THSD7B: variants seen among roughly 807,000 people sequenced by gnomAD.
THSD7B encodes the protein thrombospondin type-1 domain-containing protein 7B.
In THSD7B, 138 loss-of-function variants were observed where a neutral mutation model predicts 213.6. The ratio of observed to expected loss-of-function variants is 0.65; its 90% CI spans 0.56 to 0.74. The LOEUF is 0.74. Among genes scored for constraint, THSD7B ranks in the 30% least tolerant of loss-of-function variants. THSD7B has a pLI of 0.00. For synonymous variants in THSD7B, 742 were observed against 687.0 expected, an observed-to-expected ratio of 1.08 and a Z score of -1.25; for missense variants, 1,931 against 1,991.5, an observed-to-expected ratio of 0.97 and a Z score of 0.58.
chr2:137,627,676 C>CA (rs1177412380), intron 20 of THSD7B, among the ~76,000 whole-genome samples: 1 of 152,080 alleles, frequency 6.6e-6, no homozygotes, highest in Non-Finnish European at 1.5e-5. Flanking sequence ...AGGGCAGAGC[C>CA]AAAAACTGTA....
chr2:137,636,771 T>C (rs377584710), intron 20 of THSD7B, among the ~76,000 whole-genome samples: 16 of 152,364 alleles, frequency 1.1e-4, no homozygotes, highest in African/African-American at 3.6e-4. Context: ...TAGTTGTTAA[T>C]TGGAGAGAAC....
At chr2:137,031,727 A>T (rs1338994348) in intron 2 of THSD7B, among the ~76,000 whole-genome samples, 1 of 152,234 alleles carries the variant, frequency 6.6e-6, no homozygotes, top group African/African-American at 2.4e-5. Flanking sequence ...TTCAAAAAGA[A>T]GCATAACAAA....
intron 4 of THSD7B, among the ~76,000 whole-genome samples, chr2:137,101,110 A>G (rs1688141875): frequency 6.6e-6 from 1 of 152,054 alleles, no homozygotes; most frequent in Non-Finnish European, 1.5e-5. Context: ...ATCTCAGCTC[A>G]CCACAACCTC....
At chr2:137,560,361 A>G (rs1573709162) in intron 15 of THSD7B, among the ~76,000 whole-genome samples, 1 of 152,182 alleles carries the variant, frequency 6.6e-6, no homozygotes, top group Admixed American at 6.5e-5. Flanking sequence ...GCACATATAC[A>G]CCATGGAATA....
chr2:137,166,575 A>T (rs780967255), intron 6 of THSD7B, among the ~76,000 whole-genome samples: 1 of 152,178 alleles, frequency 6.6e-6, no homozygotes, highest in African/African-American at 2.4e-5. Flanking sequence ...AGAGCACCCA[A>T]GTCCTTAAAA....
chr2:137,657,545 G>A (rs1217909252), intron 24 of THSD7B, among the ~76,000 whole-genome samples: 1 of 152,100 alleles, frequency 6.6e-6, no homozygotes, highest in Non-Finnish European at 1.5e-5. Flanking sequence ...CTCAGAAGTT[G>A]AAACTAAAGA....
At chr2:137,624,791 G>A (rs940677307) in intron 20 of THSD7B, among the ~76,000 whole-genome samples, 7 of 152,178 alleles carry the variant, frequency 4.6e-5, no homozygotes, top group Non-Finnish European at 1.5e-5. Context: ...TCTCACACCA[G>A]TTAGAATGGT....
intron 15 of THSD7B, among the ~76,000 whole-genome samples, chr2:137,546,471 T>TA (rs1680738794): frequency 1.8e-5 from 1 of 54,266 alleles, no homozygotes; most frequent in Admixed American, 3.3e-4. Context: ...ATAATATATA[T>TA]ATATATAATA....
At chr2:137,342,394 GGT>G (rs1009615265) in intron 12 of THSD7B, among the ~76,000 whole-genome samples, 27 of 24,724 alleles carry the variant, frequency 1.1e-3, no homozygotes, top group Non-Finnish European at 8.0e-3. Flanking sequence ...TTCTAACAGG[GGT>G]TTTTTTTTTG....
chr2:137,062,540 T>G (rs1687297638), intron 3 of THSD7B, among the ~76,000 whole-genome samples: 1 of 151,830 alleles, frequency 6.6e-6, no homozygotes. Context: ...GTTCTAAATA[T>G]TTTTGCATTT....
intron 10 of THSD7B, among the ~76,000 whole-genome samples, chr2:137,259,840 A>G (rs1682399954): frequency 1.3e-5 from 2 of 152,094 alleles, no homozygotes; most frequent in African/African-American, 4.8e-5. Flanking sequence ...CTCTCCTTAG[A>G]ATATTTCAGT....
intron 14 of THSD7B, among the ~76,000 whole-genome samples, chr2:137,428,317 T>C (rs1687103856): frequency 6.6e-6 from 1 of 152,164 alleles, no homozygotes; most frequent in Non-Finnish European, 1.5e-5. Context: ...TTGGTGAGGA[T>C]ATGAAGAATT....
At chr2:136,911,841 A>G (rs531832939) in intron 2 of THSD7B, among the ~76,000 whole-genome samples, 1 of 152,348 alleles carries the variant, frequency 6.6e-6, no homozygotes, top group South Asian at 2.1e-4. Flanking sequence ...TTAAATTCCA[A>G]ATTTCTAGAC....
intron 5 of THSD7B, among the ~76,000 whole-genome samples, chr2:137,150,937 T>C (rs1281417022): frequency 3.9e-5 from 6 of 152,128 alleles, no homozygotes; most frequent in Middle Eastern, 3.2e-3. Flanking sequence ...AAAAATACAG[T>C]GTAAAAGATT....
At chr2:136,798,297 G>A (rs1042574276) in intron 1 of THSD7B, among the ~76,000 whole-genome samples, 5 of 151,834 alleles carry the variant, frequency 3.3e-5, no homozygotes, top group Non-Finnish European at 7.4e-5. Context: ...ATAGACTAGG[G>A]TTGACTGGTT....
chr2:137,127,341 G>A (rs1688648343), intron 5 of THSD7B, among the ~76,000 whole-genome samples: 1 of 152,136 alleles, frequency 6.6e-6, no homozygotes, highest in African/African-American at 2.4e-5. Context: ...AGAGGAACAG[G>A]TGCCCTAACT....
intron 17 of THSD7B, among the ~76,000 whole-genome samples, chr2:137,592,858 G>A (rs1285152610): frequency 6.6e-6 from 1 of 151,916 alleles, no homozygotes; most frequent in Non-Finnish European, 1.5e-5. Flanking sequence ...GCTTTTCAGT[G>A]TATATGTACA....
intron 10 of THSD7B, among the ~76,000 whole-genome samples, chr2:137,242,776 T>A (rs1006270378): frequency 9.9e-5 from 15 of 152,194 alleles, no homozygotes; most frequent in Non-Finnish European, 1.2e-4. Context: ...TATTTTCTTA[T>A]CTTATGTCAT....
At chr2:137,600,236 T>G (rs1178388408) in intron 17 of THSD7B, among the ~76,000 whole-genome samples, 1 of 152,142 alleles carries the variant, frequency 6.6e-6, no homozygotes, top group Non-Finnish European at 1.5e-5. Flanking sequence ...AGAAGCAAAA[T>G]GAGCATTCAG....
Sources: allele counts gnomAD v4.1 joint callset (sites outside exome capture counted in the v4.1 genomes callset), GRCh38; gene constraint gnomAD v4.1.1; transcripts MANE v1.5; gene names NCBI Gene and HGNC (gene_info 2026-07-23, HGNC 2026-07-21).